Variants in RGS4 observed in about 807,000 individuals in gnomAD.
The protein encoded by RGS4 is schizophrenia disorder 9.
A neutral mutation model predicts 21.6 loss-of-function variants in RGS4; 15 were observed. The ratio of observed to expected loss-of-function variants is 0.69; its 90% CI spans 0.46 to 1.07. RGS4 has a LOEUF of 1.07. Among genes scored for constraint, RGS4 ranks in the 50% least tolerant of loss-of-function variants. The probability of loss-of-function intolerance (pLI) is 0.00; values close to 1 mark genes in which losing one functional copy is unlikely to be tolerated. For synonymous variants in RGS4, 94 were observed against 85.5 expected, an observed-to-expected ratio of 1.10 and a Z score of -0.55; for missense variants, 237 against 239.0, an observed-to-expected ratio of 0.99 and a Z score of 0.06.
At chr1:163,071,927 G>C in intron 1 of RGS4, 2 of 964,496 alleles carry the variant, frequency 2.1e-6, no homozygotes, top group Non-Finnish European at 2.4e-6. Context: ...TGCTTCTACA[G>C]TTCCCTCTGC....
intron 1 of RGS4, among the ~76,000 whole-genome samples, chr1:163,070,875 A>G (rs1571159647): frequency 6.6e-6 from 1 of 152,134 alleles, no homozygotes; most frequent in African/African-American, 2.4e-5. Flanking sequence ...CAACATCTTT[A>G]CCACCAGTGC....
intron 4 of RGS4, chr1:163,074,001 C>T (rs1459625695): frequency 5.1e-6 from 2 of 393,268 alleles, no homozygotes; most frequent in Non-Finnish European, 9.1e-6. Flanking sequence ...ATCTTGACAA[C>T]CCCAAATAAA....
At chr1:163,071,855 G>GC (rs763643387) in intron 1 of RGS4, 1 of 1,822 alleles carries the variant, frequency 5.5e-4, no homozygotes, top group East Asian at 0.021. Flanking sequence ...GGAACTGCTT[G>GC]CCCCCCCCCC....
At chr1:163,069,156 CA>C, upstream of RGS4, 10 of 1,496,158 alleles carry the variant, frequency 6.7e-6, no homozygotes, top group African/African-American at 8.5e-5. Flanking sequence ...ACATTGAGTA[CA>C]TTTTTTCCCA....
intron 1 of RGS4, chr1:163,071,755 G>A (rs945888168): frequency 6.8e-6 from 1 of 147,006 alleles, no homozygotes; most frequent in Non-Finnish European, 1.5e-5. Context: ...TGAGGTTTCA[G>A]CTTGGGCATT....
rs1655447630 is a variant in RGS4 at position 163,074,922 on chromosome 1, T to C, written c.*362T>C. The C allele has an allele frequency of 1.8e-6, 1 of 568,596 alleles. No homozygotes were observed. Among genetic ancestry groups the C allele is most frequent in the African/African-American group, 1.9e-5 (1 of 53,260 alleles). 35.2% of individuals were successfully genotyped at this position (568,596 alleles called of 1,614,324 possible). A position where few individuals can be genotyped will look rare whatever the true frequency, so the allele number is the denominator to read the frequency against. ...TAGTGCATGTCACATGACATCCACATGCACATGTATTCTGTTGGCCAGCAC... is the reference window on the plus strand; with the variant it reads ...TAGTGCATGTCACATGACATCCACACGCACATGTATTCTGTTGGCCAGCAC... On this transcript the variant is annotated 3_prime_UTR_variant, in exon 5 of 5. Coordinates refer to ENST00000367909, the MANE Select transcript of RGS4 (RefSeq NM_005613.6).
chr1:163,073,799 A>G, intron 4 of RGS4, 177 bp downstream of exon 4: 1 of 533,618 alleles, frequency 1.9e-6, no homozygotes. Context: ...AGCTATCTTA[A>G]AATATACAAT....
intron 4 of RGS4, 51 bp from the exon 5 acceptor site, chr1:163,074,270 C>T (rs1655422746): frequency 6.2e-7 from 1 of 1,608,292 alleles, no homozygotes; most frequent in South Asian, 1.1e-5. Context: ...TACAGGCTTG[C>T]ATCCTCAACA....
At chr1:163,071,501 TA>T (rs1655298475) in intron 1 of RGS4, among the ~76,000 whole-genome samples, 1 of 152,068 alleles carries the variant, frequency 6.6e-6, no homozygotes, top group African/African-American at 2.4e-5. Context: ...TAATAAAAAG[TA>T]AGAGAGTTGA....
chr1:163,068,970 A>G (rs1458218041), upstream of RGS4: 1 of 1,607,762 alleles, frequency 6.2e-7, no homozygotes, highest in Admixed American at 1.7e-5. Flanking sequence ...AAAAGAGGAA[A>G]GGCATTGGGA....
intron 4 of RGS4, chr1:163,074,111 G>T (rs1655417625): frequency 3.4e-6 from 2 of 596,954 alleles, no homozygotes; most frequent in South Asian, 2.3e-5. Context: ...CAGAACAGAA[G>T]ATCTTGCCCT....
intron 1 of RGS4, chr1:163,070,824 C>T (rs147600228): frequency 3.3e-5 from 5 of 152,190 alleles, no homozygotes; most frequent in East Asian, 1.9e-4. Context: ...GGATGAACTG[C>T]TCTTCCCTTT....
intron 3 of RGS4, among the ~76,000 whole-genome samples, 182 bp from the exon 4 acceptor site, chr1:163,073,274 A>G (rs994127125): frequency 6.6e-6 from 1 of 152,146 alleles, no homozygotes; most frequent in Non-Finnish European, 1.5e-5. Context: ...AGAACTGGGA[A>G]CCACTGGATA....
intron 1 of RGS4, among the ~76,000 whole-genome samples, chr1:163,070,190 C>T (rs1360908963): frequency 6.6e-6 from 1 of 152,086 alleles, no homozygotes; most frequent in Non-Finnish European, 1.5e-5. Context: ...ATCTTAAAGA[C>T]ATTGTTTTGT....
At position 163,072,497 on chromosome 1, in the gene RGS4, G is replaced by A; in HGVS notation, c.147G>A (p.Gln49=). ...HNKKDKVVIC[Q]RVSQEEVKKW... ...AGAAGGACAAAGTGGTTATTTGCCA[G>A]AGGTAAGAGAAAAGGCCTTGGTGAA... Residue 49 remains glutamine (Q), a splice_region_variant and synonymous_variant, in exon 2 of 5, where the codon CAG becomes CAA. Coordinates refer to ENST00000367909, the MANE Select transcript of RGS4 (RefSeq NM_005613.6). The A allele has an allele frequency of 6.2e-7, 1 of 1,601,654 alleles. No homozygotes were observed. Among genetic ancestry groups the A allele is most frequent in the Non-Finnish European group, 8.6e-7 (1 of 1,169,058 alleles).
upstream of RGS4, chr1:163,069,085 T>G: frequency 6.5e-7 from 1 of 1,532,200 alleles, no homozygotes; most frequent in South Asian, 1.3e-5. Flanking sequence ...AAACTATATT[T>G]TGCAGCATTG....
chr1:163,070,252 AT>A (rs1655258514), intron 1 of RGS4, among the ~76,000 whole-genome samples: 1 of 152,094 alleles, frequency 6.6e-6, no homozygotes, highest in South Asian at 2.1e-4. Context: ...ACAGCTATTC[AT>A]TTGTTTTTGG....
upstream of RGS4, chr1:163,069,019 T>C (rs754580032): frequency 6.3e-7 from 1 of 1,589,586 alleles, no homozygotes; most frequent in Admixed American, 1.8e-5. Context: ...CTGCTGGTAC[T>C]TTTCCTTCCA....
chr1:163,074,013 C>A, intron 4 of RGS4: 1 of 406,394 alleles, frequency 2.5e-6, no homozygotes. Context: ...CCAAATAAAT[C>A]AGTTTTTTAA....
Sources: gnomAD v4.1 joint callset for allele counts (sites outside exome capture counted in the v4.1 genomes callset) on GRCh38, gnomAD v4.1.1 for gene constraint, MANE v1.5 for transcripts, NCBI Gene and HGNC (gene_info 2026-07-23, HGNC 2026-07-21) for gene names.